Variants in TRIM33 observed in about 807,000 individuals in gnomAD.
TRIM33 encodes the protein E3 ubiquitin-protein ligase TRIM33.
TRIM33 carries 20 observed loss-of-function variants against 125.4 expected under a neutral mutation model. The ratio of observed to expected loss-of-function variants is 0.16; its 90% CI spans 0.11 to 0.23. The LOEUF (loss-of-function observed/expected upper bound fraction) is 0.23. Among genes scored for constraint, TRIM33 ranks in the 10% least tolerant of loss-of-function variants. The probability of loss-of-function intolerance (pLI) is 1.00; values close to 1 mark genes in which losing one functional copy is unlikely to be tolerated. For synonymous variants in TRIM33, 564 were observed against 513.9 expected (o/e 1.10, Z -1.32); for missense variants, 920 against 1,411.4 (o/e 0.65, Z 5.58).
At chr1:114,413,903 C>T (rs377385952) in intron 11 of TRIM33, among the ~76,000 whole-genome samples, 19 of 151,988 alleles carry the variant, frequency 1.3e-4, no homozygotes, top group African/African-American at 3.6e-4. Flanking sequence ...AGCATGTGCC[C>T]GTAGTCCCAG....
intron 16 of TRIM33, 89 bp from the exon 17 acceptor site, chr1:114,401,552 T>C: frequency 9.2e-7 from 1 of 1,092,130 alleles, no homozygotes; most frequent in Non-Finnish European, 1.3e-6. Flanking sequence ...CAACAAAGTT[T>C]GATTACAACA....
chr1:114,427,194 T>G lies in TRIM33; in HGVS notation c.1403A>C (p.Lys468Thr). 6.4e-7 allele frequency: 1 copy of G among 1,573,358 alleles called. No homozygotes were observed. Among genetic ancestry groups the G allele is most frequent in the Non-Finnish European group, 8.7e-7 (1 of 1,147,200 alleles). Residue 468 changes from lysine (K) to threonine (T), a missense_variant, in exon 8 of 20, where the codon AAG (lysine) becomes ACG (threonine). Around this residue, in one of 8 missense-constraint regions of TRIM33, gnomAD observed 407 missense variants for 589.7 expected, o/e 0.69. Transcript: ENST00000358465. The stretch of plus-strand genomic sequence containing the variant: ...TTTCTCACCTAAATTGACTACATTC[T>G]TTGCCCAGAAGGTGGGATCACAATG... Reference protein sequence around the residue: ...RFHCDPTFWAKNVVNLGNLVI... With the variant: ...RFHCDPTFWATNVVNLGNLVI...
rs1396334010 is a variant in TRIM33 at position 114,393,074 on chromosome 1, A to C, written c.*4574T>G. ...ACCACAGAAACAGCACTTTTTAAGA[A>C]TCATATTGAAGGGCAGTTAACTATG... is the stretch of plus-strand genomic sequence containing the variant. On this transcript the variant is annotated 3_prime_UTR_variant, in exon 20 of 20. Transcript: ENST00000358465. 4.9e-6 allele frequency: 1 copy of C among 202,912 alleles called. No homozygotes were observed. Among genetic ancestry groups the C allele is most frequent in the Non-Finnish European group, 1.0e-5 (1 of 98,430 alleles). 12.6% of individuals were successfully genotyped at this position (202,912 alleles called of 1,614,324 possible). A position where few individuals can be genotyped will look rare whatever the true frequency, so the allele number is the denominator to read the frequency against.
intron 11 of TRIM33, among the ~76,000 whole-genome samples, chr1:114,418,017 A>G (rs1653042768): frequency 6.6e-6 from 1 of 152,212 alleles, no homozygotes. Context: ...AAACTGCATC[A>G]GTTCGTTTTC....
At chr1:114,488,953 G>A (rs901113963) in intron 1 of TRIM33, among the ~76,000 whole-genome samples, 1 of 152,178 alleles carries the variant, frequency 6.6e-6, no homozygotes, top group Non-Finnish European at 1.5e-5. Context: ...GGGAAGGTGA[G>A]GTGGGAGGAT....
chr1:114,463,005 TAA>T, intron 4 of TRIM33, 97 bp downstream of exon 4: 1 of 920,386 alleles, frequency 1.1e-6, no homozygotes, highest in Non-Finnish European at 1.5e-6. Flanking sequence ...TTTAAAAGAT[TAA>T]GACACAAACA....
chr1:114,403,678 C>T (rs1164074529), intron 15 of TRIM33, among the ~76,000 whole-genome samples: 1 of 152,184 alleles, frequency 6.6e-6, no homozygotes. Flanking sequence ...GCTGGGATCA[C>T]AGGGGCCTGC....
chr1:114,425,794 G>C, intron 8 of TRIM33, 71 bp from the exon 9 acceptor site: 7 of 1,149,046 alleles, frequency 6.1e-6, no homozygotes, highest in Non-Finnish European at 8.7e-6. Flanking sequence ...TAATCACCAT[G>C]TTTTCCTCTT....
chr1:114,481,789 T>A (rs1308205256), intron 1 of TRIM33, among the ~76,000 whole-genome samples: 2 of 151,724 alleles, frequency 1.3e-5, no homozygotes, highest in Non-Finnish European at 2.9e-5. Context: ...AGATGGAGTC[T>A]CACTCTATCG....
At chr1:114,452,594 T>G (rs146325825) in intron 4 of TRIM33, among the ~76,000 whole-genome samples, 1 of 151,840 alleles carries the variant, frequency 6.6e-6, no homozygotes, top group African/African-American at 2.4e-5. Flanking sequence ...AATTGCAAAG[T>G]TGACTCAAGA....
intron 4 of TRIM33, among the ~76,000 whole-genome samples, chr1:114,444,535 C>T (rs1313727843): frequency 6.6e-6 from 1 of 152,110 alleles, no homozygotes; most frequent in Non-Finnish European, 1.5e-5. Context: ...CTAACAAAAC[C>T]TAAATAAAAC....
At chr1:114,498,057 G>A (rs1339203935) in intron 1 of TRIM33, among the ~76,000 whole-genome samples, 1 of 150,510 alleles carries the variant, frequency 6.6e-6, no homozygotes, top group African/African-American at 2.4e-5. Flanking sequence ...GAATCCAAGA[G>A]CGGAGGTTGC....
intron 4 of TRIM33, among the ~76,000 whole-genome samples, chr1:114,458,153 T>A (rs922979512): frequency 5.3e-5 from 8 of 152,188 alleles, no homozygotes; most frequent in Admixed American, 2.6e-4. Flanking sequence ...ACCCTCCTTG[T>A]TCAGGGACTG....
At chr1:114,407,343 TTCACACACACACAC>T (rs1200196056) in intron 13 of TRIM33, among the ~76,000 whole-genome samples, 3 of 152,032 alleles carry the variant, frequency 2.0e-5, no homozygotes, top group Non-Finnish European at 4.4e-5. Flanking sequence ...AAGCACTTTC[TTCACACACACACAC>T]GCACACACAC....
At chr1:114,460,429 T>G (rs1231693025) in intron 4 of TRIM33, 1 of 151,454 alleles carries the variant, frequency 6.6e-6, no homozygotes, top group Admixed American at 6.6e-5. Flanking sequence ...CAAAATGGAG[T>G]CCTTCATGCT....
chr1:114,396,508 A>G lies in TRIM33; in HGVS notation c.*1140T>C. 1 of 194,632 alleles carries G rather than the reference A, an allele frequency of 5.1e-6. No homozygotes were observed. Among genetic ancestry groups the G allele is most frequent in the Non-Finnish European group, 1.1e-5 (1 of 93,102 alleles). The allele number at this position is 194,632 out of a possible 1,614,324, so 12.1% of individuals were successfully genotyped here. On this transcript the variant is annotated 3_prime_UTR_variant, in exon 20 of 20. Coordinates refer to ENST00000358465, the MANE Select transcript of TRIM33 (RefSeq NM_015906.4). ...AGATTTTTTGAGAAGTCTGTTCTCT[A>G]TTAAAATAAGATAGAACCTCAAAAT...
At chr1:114,488,496 GCTCACACCTGTAATC>G (rs1651852881) in intron 1 of TRIM33, among the ~76,000 whole-genome samples, 1 of 152,170 alleles carries the variant, frequency 6.6e-6, no homozygotes, top group South Asian at 2.1e-4. Context: ...AGGCACAGTG[GCTCACACCTGTAATC>G]CTAGCACTTT....
At chr1:114,462,659 G>C (rs188709710) in intron 4 of TRIM33, among the ~76,000 whole-genome samples, 1 of 152,180 alleles carries the variant, frequency 6.6e-6, no homozygotes, top group Admixed American at 6.5e-5. Flanking sequence ...GTATGTATTA[G>C]AGGGTCAGTA....
chr1:114,404,842 A>G (rs1469212365), intron 15 of TRIM33: 1 of 150,740 alleles, frequency 6.6e-6, no homozygotes, highest in Non-Finnish European at 1.5e-5. Context: ...TTATAGCAAG[A>G]AAAAAGCTGG....
Sources: gnomAD v4.1 joint callset for allele counts (sites outside exome capture counted in the v4.1 genomes callset) on GRCh38, gnomAD v4.1.1 for gene constraint, gnomAD v4.1.1 regional missense constraint, MANE v1.5 for transcripts, NCBI Gene and HGNC (gene_info 2026-07-23, HGNC 2026-07-21) for gene names.